AMBRA1: variants seen among roughly 807,000 people sequenced by gnomAD.
AMBRA1 encodes the protein activating molecule in BECN1-regulated autophagy protein 1.
A neutral mutation model predicts 125.4 loss-of-function variants in AMBRA1; 47 were observed. That is an observed-to-expected ratio of 0.37 (90% CI 0.30 to 0.48). The LOEUF (loss-of-function observed/expected upper bound fraction) is 0.48, where lower values mean the gene tolerates loss of function less well. AMBRA1 is among the 20% of genes least tolerant of loss of function. AMBRA1 has a pLI of 0.99. For missense variants in AMBRA1, 1,331 were observed against 1,693.4 expected, an observed-to-expected ratio of 0.79 and a Z score of 3.76; for synonymous variants, 626 against 655.5, an observed-to-expected ratio of 0.95 and a Z score of 0.69.
At chr11:46,560,764 T>C (rs1246758477) in intron 1 of AMBRA1, among the ~76,000 whole-genome samples, 1 of 152,158 alleles carries the variant, frequency 6.6e-6, no homozygotes, top group African/African-American at 2.4e-5. Context: ...AAGGCTACTC[T>C]TAAATGTACA....
At chr11:46,569,617 A>G (rs2043683173) in intron 1 of AMBRA1, among the ~76,000 whole-genome samples, 1 of 151,986 alleles carries the variant, frequency 6.6e-6, no homozygotes, top group Non-Finnish European at 1.5e-5. Flanking sequence ...AGAGATCTGC[A>G]AAAATGCAAG....
intron 1 of AMBRA1, among the ~76,000 whole-genome samples, chr11:46,584,492 G>A (rs530227061): frequency 6.6e-6 from 1 of 151,296 alleles, no homozygotes; most frequent in East Asian, 1.9e-4. Context: ...CCTGCACATT[G>A]TGCACATGTA....
chr11:46,456,893 C>A (rs1311642166), intron 11 of AMBRA1, among the ~76,000 whole-genome samples: 3 of 152,170 alleles, frequency 2.0e-5, no homozygotes, highest in African/African-American at 7.2e-5. Context: ...GCACCAGTCC[C>A]CACCCTCCCC....
chr11:46,507,958 C>A (rs192578373), intron 9 of AMBRA1, among the ~76,000 whole-genome samples: 1 of 152,330 alleles, frequency 6.6e-6, no homozygotes, highest in East Asian at 1.9e-4. Context: ...TGGCCTGGGG[C>A]CCAATGGGAG....
At chr11:46,493,803 C>G (rs1321116415) in intron 10 of AMBRA1, 95 bp from the exon 11 acceptor site, 2 of 908,518 alleles carry the variant, frequency 2.2e-6, no homozygotes, top group Non-Finnish European at 3.3e-6. Context: ...AAGGGACCCA[C>G]TGAATCCACA....
chr11:46,507,995 CA>C, intron 9 of AMBRA1, among the ~76,000 whole-genome samples, 195 bp downstream of exon 9: 1 of 152,230 alleles, frequency 6.6e-6, no homozygotes. Flanking sequence ...GCCAGTGAAT[CA>C]GCAAAGCAAC....
At chr11:46,579,472 T>G (rs898989297) in intron 1 of AMBRA1, among the ~76,000 whole-genome samples, 11 of 151,930 alleles carry the variant, frequency 7.2e-5, no homozygotes, top group East Asian at 5.8e-4. Context: ...AATAAATAAA[T>G]TAAGTAAGTA....
chr11:46,528,451 G>A (rs1203464127), intron 7 of AMBRA1, among the ~76,000 whole-genome samples: 2 of 152,216 alleles, frequency 1.3e-5, no homozygotes, highest in African/African-American at 4.8e-5. Context: ...GATTACAGGC[G>A]TGAGCCACCG....
chr11:46,443,466 C>T, intron 12 of AMBRA1, 22 bp downstream of exon 12: 3 of 1,582,824 alleles, frequency 1.9e-6, no homozygotes, highest in South Asian at 1.1e-5. Context: ...TCCACTGATA[C>T]CCCCATTTGA....
chr11:46,404,870 T>C (rs568912544), intron 17 of AMBRA1, among the ~76,000 whole-genome samples: 1 of 152,240 alleles, frequency 6.6e-6, no homozygotes, highest in South Asian at 2.1e-4. Context: ...GGCTGCATGC[T>C]AACCAAGAAA....
intron 9 of AMBRA1, among the ~76,000 whole-genome samples, chr11:46,498,034 C>T (rs775402187): frequency 5.9e-5 from 9 of 152,102 alleles, no homozygotes; most frequent in Non-Finnish European, 1.0e-4. Flanking sequence ...CACTCACTTC[C>T]GTGCTGATAC....
chr11:46,453,293 T>A (rs2136799498), intron 11 of AMBRA1, among the ~76,000 whole-genome samples: 1 of 152,004 alleles, frequency 6.6e-6, no homozygotes, highest in East Asian at 1.9e-4. Context: ...AGAGACAAGG[T>A]CTCATTCTAT....
At chr11:46,538,500 T>C (rs1431558493) in intron 7 of AMBRA1, among the ~76,000 whole-genome samples, 4 of 151,826 alleles carry the variant, frequency 2.6e-5, no homozygotes, top group Admixed American at 6.6e-5. Context: ...TAATAGTTTC[T>C]GGGTTTTTTT....
intron 17 of AMBRA1, among the ~76,000 whole-genome samples, chr11:46,405,701 G>C (rs1359391083): frequency 6.6e-6 from 1 of 152,062 alleles, no homozygotes; most frequent in Non-Finnish European, 1.5e-5. Flanking sequence ...ACTCCAGCCT[G>C]AGTGACAGAG....
At chr11:46,470,283 A>AT (rs1230894993) in intron 11 of AMBRA1, among the ~76,000 whole-genome samples, 2 of 152,030 alleles carry the variant, frequency 1.3e-5, no homozygotes, top group Admixed American at 6.6e-5. Flanking sequence ...TCTACAAAAA[A>AT]TTTTTTAAAA....
intron 12 of AMBRA1, among the ~76,000 whole-genome samples, chr11:46,435,480 A>G (rs1328350501): frequency 6.6e-6 from 1 of 152,194 alleles, no homozygotes; most frequent in African/African-American, 2.4e-5. Flanking sequence ...CCTATTCAAC[A>G]CCTGTTATGT....
chr11:46,554,524 T>C (rs2043107836), intron 1 of AMBRA1, among the ~76,000 whole-genome samples: 1 of 152,216 alleles, frequency 6.6e-6, no homozygotes, highest in Non-Finnish European at 1.5e-5. Context: ...GAGAAAGCTT[T>C]ACTGATGGGA....
intron 15 of AMBRA1, among the ~76,000 whole-genome samples, chr11:46,413,075 C>G (rs981749344): frequency 1.3e-5 from 2 of 152,244 alleles, no homozygotes; most frequent in Non-Finnish European, 2.9e-5. Flanking sequence ...GACCCGGAAC[C>G]TTCCTTCCTA....
chr11:46,547,076 ACAC>A, intron 4 of AMBRA1, 34 bp downstream of exon 4: 8 of 1,556,044 alleles, frequency 5.1e-6, no homozygotes, highest in Non-Finnish European at 6.9e-6. Flanking sequence ...AAAAATTAGA[ACAC>A]CAAAAGAAAA....
Sources: gnomAD v4.1 joint callset for allele counts (sites outside exome capture counted in the v4.1 genomes callset) on GRCh38, gnomAD v4.1.1 for gene constraint, MANE v1.5 for transcripts, NCBI Gene and HGNC (gene_info 2026-07-23, HGNC 2026-07-21) for gene names.